ADAM10: variants seen among roughly 807,000 people sequenced by gnomAD.
ADAM10 encodes ADAM metallopeptidase domain 10.
Under a neutral mutation model 90.1 loss-of-function variants are expected in ADAM10, and 17 were observed. The observed-to-expected ratio is 0.19, with a 90% CI of 0.13 to 0.28. The LOEUF (loss-of-function observed/expected upper bound fraction) is 0.28. Ranked by LOEUF, ADAM10 falls within the 10% of genes least tolerant of loss-of-function variation. The pLI, the probability that ADAM10 is intolerant of heterozygous loss-of-function variation, is 1.00. For synonymous variants in ADAM10, 310 were observed against 298.6 expected, an observed-to-expected ratio of 1.04 and a Z score of -0.40; for missense variants, 610 against 914.3, an observed-to-expected ratio of 0.67 and a Z score of 4.29.
intron 15 of ADAM10, among the ~76,000 whole-genome samples, chr15:58,599,315 A>AT (rs199607609): frequency 3.6e-4 from 54 of 148,558 alleles, no homozygotes; most frequent in African/African-American, 1.4e-3. Flanking sequence ...GTTAGAATAT[A>AT]TTTAAAAAAA....
intron 2 of ADAM10, among the ~76,000 whole-genome samples, chr15:58,708,832 A>T (rs1343873744): frequency 6.6e-6 from 1 of 152,242 alleles, no homozygotes; most frequent in Non-Finnish European, 1.5e-5. Flanking sequence ...TCAGAGATGC[A>T]CACAAATTAA....
At position 58,589,490 on chromosome 15, in the gene ADAM10, T is replaced by C. The variant is rs1894782480; in HGVS notation, c.*8057A>G. 1 of 152,268 alleles carries C rather than the reference T, an allele frequency of 6.6e-6. No individual in the cohort carries two copies. The highest frequency in any genetic ancestry group is 2.1e-4 in the South Asian group (1 of 4,836). 9.4% of individuals were successfully genotyped at this position (152,268 alleles called of 1,614,324 possible). The stretch of plus-strand genomic sequence containing the variant: ...GAGCTACCAGGGCATCCTGTGTTTG[T>C]AGAGTTTCCAACACAAACCCCTCTG... On this transcript the variant is annotated 3_prime_UTR_variant, in exon 16 of 16. Transcript: ENST00000260408.
chr15:58,637,277 A>T (rs1896282830), intron 8 of ADAM10, among the ~76,000 whole-genome samples: 1 of 152,252 alleles, frequency 6.6e-6, no homozygotes, highest in Non-Finnish European at 1.5e-5. Context: ...TGAAGGTTTC[A>T]GGACTAACTG....
chr15:58,602,699 C>T (rs1422715852), intron 14 of ADAM10, among the ~76,000 whole-genome samples: 1 of 152,160 alleles, frequency 6.6e-6, no homozygotes, highest in Admixed American at 6.5e-5. Context: ...AGTGTCATTT[C>T]TCAGTCTTAT....
At chr15:58,676,411 T>C in intron 4 of ADAM10, 1 of 373,350 alleles carries the variant, frequency 2.7e-6, no homozygotes, top group South Asian at 2.0e-5. Flanking sequence ...CCATAATAAT[T>C]ATTCTTACTA....
At chr15:58,744,325 T>C (rs2140853612) in intron 1 of ADAM10, among the ~76,000 whole-genome samples, 1 of 152,334 alleles carries the variant, frequency 6.6e-6, no homozygotes. Flanking sequence ...TTAGAATTTA[T>C]TTATTTCATT....
chr15:58,667,505 C>T (rs1361865658), intron 4 of ADAM10, among the ~76,000 whole-genome samples: 3 of 152,072 alleles, frequency 2.0e-5, no homozygotes, highest in Admixed American at 2.0e-4. Flanking sequence ...AGATGACCCT[C>T]TAATAGTCAA....
At chr15:58,641,850 G>A (rs1334096755) in intron 7 of ADAM10, among the ~76,000 whole-genome samples, 1 of 152,116 alleles carries the variant, frequency 6.6e-6, no homozygotes, top group Non-Finnish European at 1.5e-5. Flanking sequence ...GCAGTAAGAG[G>A]ATGACATAAT....
In ADAM10 at chr15:58,621,483, C is replaced by A; in HGVS notation, c.1499G>T (p.Gly500Val). Residue 500 changes from glycine (G) to valine (V), a missense_variant, in exon 11 of 16, where the codon GGG becomes GTG. By Grantham distance (109) the Gly-to-Val change is moderately radical (BLOSUM62 -3). Around this residue, in one of 4 missense-constraint regions of ADAM10, gnomAD observed 53 missense variants for 62.0 expected, o/e 0.85. Coordinates refer to ENST00000260408, the MANE Select transcript of ADAM10 (RefSeq NM_001110.4). ...ATTAGCAAGGTACCTGCACTGTTTC[C>A]CAGGTTTCAGTTTGCATTTTCTTCC... Reference protein sequence around the residue: ...PEGRKCKLKPGKQCSPSQGPC... With the variant: ...PEGRKCKLKPVKQCSPSQGPC... 11 of 1,613,946 alleles carry A rather than the reference C, an allele frequency of 6.8e-6. No individual in the cohort carries two copies. The highest frequency in any genetic ancestry group is 9.3e-6 in the Non-Finnish European group (11 of 1,179,980).
At chr15:58,617,981 C>A (rs540331752) in intron 11 of ADAM10, among the ~76,000 whole-genome samples, 3 of 150,624 alleles carry the variant, frequency 2.0e-5, no homozygotes, top group African/African-American at 7.3e-5. Flanking sequence ...AAGCAATCTA[C>A]AGATTCAATG....
At chr15:58,748,306 T>C (rs1216128002) in intron 1 of ADAM10, 1 of 152,216 alleles carries the variant, frequency 6.6e-6, no homozygotes, top group African/African-American at 2.4e-5. Flanking sequence ...ATACATTACA[T>C]GAAATAGATA....
chr15:58,677,642 C>T (rs1200434239), intron 4 of ADAM10, among the ~76,000 whole-genome samples: 1 of 152,010 alleles, frequency 6.6e-6, no homozygotes. Context: ...GTAGAGGGCA[C>T]TGATAGCAAG....
At chr15:58,667,082 C>T (rs1052182993) in intron 4 of ADAM10, among the ~76,000 whole-genome samples, 8 of 152,064 alleles carry the variant, frequency 5.3e-5, no homozygotes, top group Admixed American at 2.0e-4. Flanking sequence ...CATTGAGATG[C>T]TAAATCATAG....
intron 8 of ADAM10, 92 bp from the exon 9 acceptor site, chr15:58,633,451 T>A (rs1311956170): frequency 3.6e-6 from 4 of 1,118,590 alleles, no homozygotes; most frequent in Non-Finnish European, 5.2e-6. Context: ...AAACATTTTA[T>A]ATTTTAATCT....
chr15:58,636,088 C>T (rs1566975409), intron 8 of ADAM10, among the ~76,000 whole-genome samples: 1 of 152,052 alleles, frequency 6.6e-6, no homozygotes, highest in Non-Finnish European at 1.5e-5. Context: ...ACCAGCATAA[C>T]CAACATGTTG....
intron 8 of ADAM10, among the ~76,000 whole-genome samples, chr15:58,639,945 A>G (rs1343389147): frequency 6.6e-6 from 1 of 152,086 alleles, no homozygotes; most frequent in Non-Finnish European, 1.5e-5. Flanking sequence ...TCTGTTGTAT[A>G]TAGCTCAGAA....
At chr15:58,614,385 T>C (rs567645674) in intron 11 of ADAM10, among the ~76,000 whole-genome samples, 35 of 151,996 alleles carry the variant, frequency 2.3e-4, no homozygotes, top group African/African-American at 6.3e-4. Flanking sequence ...TATAGTCAAA[T>C]TGTCAAAAGT....
chr15:58,725,368 C>CAA (rs566581100), intron 1 of ADAM10, among the ~76,000 whole-genome samples: 162 of 110,802 alleles, frequency 1.5e-3, no homozygotes, highest in African/African-American at 4.7e-3. Flanking sequence ...TTGTCTCTAC[C>CAA]AAAAAAAAAA....
intron 1 of ADAM10, among the ~76,000 whole-genome samples, chr15:58,719,432 A>G (rs960337534): frequency 6.6e-6 from 1 of 152,236 alleles, no homozygotes; most frequent in Admixed American, 6.5e-5. Context: ...AGAAGAAAAA[A>G]AAAAGTGATT....
Sources: gnomAD v4.1 joint callset for allele counts (sites outside exome capture counted in the v4.1 genomes callset) on GRCh38, gnomAD v4.1.1 for gene constraint, gnomAD v4.1.1 regional missense constraint, MANE v1.5 for transcripts, NCBI Gene and HGNC (gene_info 2026-07-23, HGNC 2026-07-21) for gene names.